TUSC3: variants seen among roughly 807,000 people sequenced by gnomAD.
TUSC3 encodes the protein dolichyl-diphosphooligosaccharide--protein glycosyltransferase subunit TUSC3.
Under a neutral mutation model 44.8 loss-of-function variants are expected in TUSC3, and 45 were observed. The observed-to-expected ratio is 1.00, with a 90% CI of 0.79 to 1.29. TUSC3 has a LOEUF of 1.29. Among genes scored for constraint, TUSC3 ranks in the 50% most tolerant of loss-of-function variants. The probability of loss-of-function intolerance (pLI) is 0.00; values close to 1 mark genes in which losing one functional copy is unlikely to be tolerated. For missense variants in TUSC3, 519 were observed against 437.9 expected, an observed-to-expected ratio of 1.19 and a Z score of -1.65; for synonymous variants, 212 against 152.9, an observed-to-expected ratio of 1.39 and a Z score of -2.85.
At chr8:15,823,561 T>C in the TUSC3 span, among the ~76,000 whole-genome samples, 256 of 152,312 alleles carry the variant, frequency 1.7e-3, no homozygotes, top group Admixed American at 3.1e-3. Context: ...GATACCATAA[T>C]GTATTTGAAG....
chr8:15,713,436 C>T (rs942905698), intron 6 of TUSC3, among the ~76,000 whole-genome samples: 2 of 152,068 alleles, frequency 1.3e-5, no homozygotes, highest in African/African-American at 2.4e-5. Context: ...TTAGTGGCAT[C>T]GATTAAAAGA....
chr8:15,532,885 C>G (rs768928578), intron 2 of TUSC3, among the ~76,000 whole-genome samples: 7 of 152,166 alleles, frequency 4.6e-5, no homozygotes, highest in Non-Finnish European at 7.3e-5. Flanking sequence ...CTCCACCTCC[C>G]AGGTTCTAGA....
At chr8:15,801,245 C>T in the TUSC3 span, among the ~76,000 whole-genome samples, 5 of 152,122 alleles carry the variant, frequency 3.3e-5, no homozygotes, top group South Asian at 2.1e-4. Context: ...AATTTCCTGA[C>T]GCTGCCATGG....
intron 1 of TUSC3, among the ~76,000 whole-genome samples, chr8:15,543,595 A>G (rs1801761458): frequency 6.6e-6 from 1 of 152,184 alleles, no homozygotes; most frequent in Middle Eastern, 3.2e-3. Flanking sequence ...CTATATGTAT[A>G]TAAAGACTGT....
At chr8:15,602,920 TAATA>T (rs1356698742) in intron 1 of TUSC3, among the ~76,000 whole-genome samples, 2 of 151,678 alleles carry the variant, frequency 1.3e-5, no homozygotes, top group Admixed American at 1.3e-4. Flanking sequence ...ACCTAAGTAT[TAATA>T]ACACTTTAAT....
chr8:15,742,172 C>T (rs1261077626), intron 7 of TUSC3, among the ~76,000 whole-genome samples: 1 of 150,400 alleles, frequency 6.6e-6, no homozygotes, highest in Non-Finnish European at 1.5e-5. Context: ...CAGTGTTTTT[C>T]AAGCTGTGTA....
the TUSC3 span, among the ~76,000 whole-genome samples, chr8:15,840,611 T>A: frequency 3.9e-5 from 6 of 152,166 alleles, no homozygotes; most frequent in South Asian, 4.1e-4. Context: ...CTGAAGTTTC[T>A]TAATTCCTAG....
At chr8:15,449,482 G>C (rs1800164324) in intron 1 of TUSC3, among the ~76,000 whole-genome samples, 1 of 152,174 alleles carries the variant, frequency 6.6e-6, no homozygotes, top group South Asian at 2.1e-4. Context: ...ATGCTGGTCA[G>C]ATACTGCCTC....
intron 6 of TUSC3, among the ~76,000 whole-genome samples, chr8:15,719,076 A>T (rs889968838): frequency 3.9e-5 from 6 of 152,044 alleles, no homozygotes; most frequent in Non-Finnish European, 7.4e-5. Flanking sequence ...TACTGTAGTA[A>T]ACTTTCCCTG....
chr8:15,633,963 A>G (rs994138760), intron 2 of TUSC3, among the ~76,000 whole-genome samples: 1 of 152,184 alleles, frequency 6.6e-6, no homozygotes, highest in African/African-American at 2.4e-5. Flanking sequence ...ACACAAGTCA[A>G]ATATCCCTCT....
At chr8:15,818,121 G>T in the TUSC3 span, among the ~76,000 whole-genome samples, 1 of 152,186 alleles carries the variant, frequency 6.6e-6, no homozygotes, top group Non-Finnish European at 1.5e-5. Context: ...AATCTGAAGT[G>T]GAAATACTGA....
chr8:15,458,083 A>G (rs1416447532), intron 1 of TUSC3, among the ~76,000 whole-genome samples: 1 of 152,124 alleles, frequency 6.6e-6, no homozygotes, highest in Admixed American at 6.6e-5. Context: ...TTATATCAAC[A>G]GGAAAGCAAT....
At chr8:15,600,978 A>T (rs536263361) in intron 1 of TUSC3, among the ~76,000 whole-genome samples, 1 of 151,472 alleles carries the variant, frequency 6.6e-6, no homozygotes, top group South Asian at 2.1e-4. Context: ...TTAAAATAAT[A>T]TTTTTTTTCT....
chr8:15,452,647 C>G (rs765325608), intron 1 of TUSC3, among the ~76,000 whole-genome samples: 2 of 152,160 alleles, frequency 1.3e-5, no homozygotes, highest in Non-Finnish European at 2.9e-5. Context: ...GTCCAGGACA[C>G]GTAGCTCTCC....
At chr8:15,532,192 T>G (rs1489102433) in intron 2 of TUSC3, among the ~76,000 whole-genome samples, 2 of 152,214 alleles carry the variant, frequency 1.3e-5, no homozygotes, top group Non-Finnish European at 2.9e-5. Flanking sequence ...TTTTGCTGTT[T>G]CTGTTCCTCT....
At chr8:15,788,032 T>A in the TUSC3 span, among the ~76,000 whole-genome samples, 1 of 152,146 alleles carries the variant, frequency 6.6e-6, no homozygotes, top group African/African-American at 2.4e-5. Context: ...ATTTTCAAAC[T>A]CCCTGAATGG....
At chr8:15,671,396 A>G (rs1771295407) in intron 5 of TUSC3, among the ~76,000 whole-genome samples, 2 of 152,052 alleles carry the variant, frequency 1.3e-5, no homozygotes, top group Admixed American at 1.3e-4. Context: ...AAATGGTGAC[A>G]TATCAGTTGT....
At chr8:15,777,032 A>C in the TUSC3 span, among the ~76,000 whole-genome samples, 1 of 152,316 alleles carries the variant, frequency 6.6e-6, no homozygotes, top group Admixed American at 6.5e-5. Flanking sequence ...AATCCAAAAA[A>C]TGTATTTTAC....
chr8:15,435,325 A>T (rs1343276666), intron 1 of TUSC3, among the ~76,000 whole-genome samples: 1 of 152,164 alleles, frequency 6.6e-6, no homozygotes, highest in Non-Finnish European at 1.5e-5. Flanking sequence ...TTGGCTGCAT[A>T]AATGCAACAA....
Sources: gnomAD v4.1 joint callset for allele counts (sites outside exome capture counted in the v4.1 genomes callset) on GRCh38, gnomAD v4.1.1 for gene constraint, MANE v1.5 for transcripts, NCBI Gene and HGNC (gene_info 2026-07-23, HGNC 2026-07-21) for gene names.